The following KCNK2 variants were observed in gnomAD, a reference collection of about 807,000 sequenced individuals.
KCNK2 encodes the protein potassium two pore domain channel subfamily K member 2, also known as potassium channel subfamily K member 2.
In KCNK2, 21 loss-of-function variants were observed where a neutral mutation model predicts 40.5. That is an observed-to-expected ratio of 0.52 (90% CI 0.37 to 0.75). The LOEUF is 0.75. Among genes scored for constraint, KCNK2 ranks in the 30% least tolerant of loss-of-function variants. KCNK2 has a pLI of 0.00. For synonymous variants in KCNK2, 191 were observed against 202.2 expected, an observed-to-expected ratio of 0.94 and a Z score of 0.47; for missense variants, 399 against 531.6, an observed-to-expected ratio of 0.75 and a Z score of 2.45.
chr1:215,132,032 A>G (rs1482692148), intron 3 of KCNK2, among the ~76,000 whole-genome samples: 1 of 152,218 alleles, frequency 6.6e-6, no homozygotes, highest in Non-Finnish European at 1.5e-5. Flanking sequence ...AAAAAACACC[A>G]GGAAGAAAAT....
At chr1:215,016,026 G>A (rs1450024917) in intron 1 of KCNK2, among the ~76,000 whole-genome samples, 2 of 152,102 alleles carry the variant, frequency 1.3e-5, no homozygotes, top group Non-Finnish European at 2.9e-5. Context: ...CCACGATCAA[G>A]CGAAACAAAA....
intron 6 of KCNK2, among the ~76,000 whole-genome samples, chr1:215,230,557 G>C (rs1208075903): frequency 4.5e-5 from 3 of 66,706 alleles, no homozygotes; most frequent in East Asian, 3.4e-4. Flanking sequence ...ACACATAACA[G>C]CCATATATAT....
chr1:215,166,652 G>A (rs771954870), intron 3 of KCNK2, among the ~76,000 whole-genome samples: 12 of 152,112 alleles, frequency 7.9e-5, no homozygotes, highest in Non-Finnish European at 1.5e-5. Flanking sequence ...TGAAAGTCCA[G>A]ACTCCAGTCT....
intron 6 of KCNK2, among the ~76,000 whole-genome samples, chr1:215,227,529 C>T (rs1666432803): frequency 6.6e-6 from 1 of 152,232 alleles, no homozygotes; most frequent in South Asian, 2.1e-4. Context: ...CAGGTAAGCC[C>T]TAGATTACAT....
At position 215,195,062 on chromosome 1, in the gene KCNK2, C is replaced by G; in HGVS notation, c.933C>G (p.Leu311=). 1 of 1,608,718 alleles carries G rather than the reference C, an allele frequency of 6.2e-7. No homozygotes were observed. The highest frequency in any genetic ancestry group is 1.3e-5 in the African/African-American group (1 of 74,770). Residue 311 remains leucine (L), a synonymous_variant, in exon 6 of 7, where the codon CTC becomes CTG. Transcript: ENST00000444842. ...TCCTGAGCATGATTGGAGATTGGCT[C>G]CGAGTGATATCTAAAAAGACAAAAG... is the stretch of plus-strand genomic sequence containing the variant. The part of the protein sequence containing the change: ...AAVLSMIGDW[L]RVISKKTKEE...
At chr1:215,113,664 C>T (rs1029035659) in intron 2 of KCNK2, among the ~76,000 whole-genome samples, 4 of 152,108 alleles carry the variant, frequency 2.6e-5, no homozygotes, top group Non-Finnish European at 5.9e-5. Context: ...GGCACGATCC[C>T]GGCTCACTGC....
At chr1:215,043,465 T>C (rs927784056) in intron 1 of KCNK2, among the ~76,000 whole-genome samples, 3 of 152,190 alleles carry the variant, frequency 2.0e-5, no homozygotes, top group African/African-American at 7.2e-5. Context: ...TACTCAGCCT[T>C]CAAAAGGAAG....
chr1:215,124,805 C>T, intron 3 of KCNK2, 55 bp downstream of exon 3: 1 of 1,066,050 alleles, frequency 9.4e-7, no homozygotes, highest in Non-Finnish European at 1.5e-6. Flanking sequence ...GAGCTAAAAT[C>T]CATTTGTTTG....
intron 3 of KCNK2, among the ~76,000 whole-genome samples, chr1:215,150,294 C>T (rs769237236): frequency 7.2e-5 from 11 of 152,100 alleles, no homozygotes; most frequent in Non-Finnish European, 1.5e-4. Flanking sequence ...GGAAATATTT[C>T]GGTTTGGTTA....
intron 5 of KCNK2, among the ~76,000 whole-genome samples, chr1:215,177,741 T>TATATATATATATATA (rs1553270860): frequency 2.4e-4 from 5 of 20,612 alleles, no homozygotes; most frequent in African/African-American, 8.6e-4. Context: ...TATATATATA[T>TATATATATATATATA]TTTTTTTTTT....
chr1:215,008,251 A>G (rs1656255751), intron 1 of KCNK2, among the ~76,000 whole-genome samples: 1 of 152,054 alleles, frequency 6.6e-6, no homozygotes, highest in Admixed American at 6.6e-5. Context: ...CACAAGCAGG[A>G]TCAGGATGTA....
intron 6 of KCNK2, among the ~76,000 whole-genome samples, chr1:215,230,567 T>C (rs1256443534): frequency 1.0e-5 from 1 of 96,426 alleles, no homozygotes; most frequent in African/African-American, 4.1e-5. Context: ...GCCATATATA[T>C]ATATATATAC....
chr1:215,076,174 T>G (rs1232454547), intron 1 of KCNK2, among the ~76,000 whole-genome samples: 1 of 152,248 alleles, frequency 6.6e-6, no homozygotes. Flanking sequence ...TGAATAAATT[T>G]TGGCCTTTGA....
At chr1:215,055,245 C>T (rs754747927) in intron 1 of KCNK2, among the ~76,000 whole-genome samples, 2 of 152,150 alleles carry the variant, frequency 1.3e-5, no homozygotes, top group Non-Finnish European at 2.9e-5. Flanking sequence ...CACCTTTACA[C>T]GAGTGTCTTT....
At chr1:215,036,043 C>T (rs1438130986) in intron 1 of KCNK2, among the ~76,000 whole-genome samples, 1 of 151,178 alleles carries the variant, frequency 6.6e-6, no homozygotes, top group East Asian at 1.9e-4. Flanking sequence ...TTGATGAATT[C>T]CAATTTATAA....
intron 3 of KCNK2, among the ~76,000 whole-genome samples, chr1:215,151,232 GTTATTATTGAACAAA>G (rs1662673644): frequency 6.6e-6 from 1 of 151,936 alleles, no homozygotes; most frequent in African/African-American, 2.4e-5. Context: ...CTGTTTTGTT[GTTATTATTGAACAAA>G]ACACAATATA....
At chr1:215,082,580 G>C (rs1264781008), upstream of KCNK2, among the ~76,000 whole-genome samples, 1 of 152,092 alleles carries the variant, frequency 6.6e-6, no homozygotes, top group Non-Finnish European at 1.5e-5. Flanking sequence ...CCAAGGGGTT[G>C]TGCCCCCAGG....
At chr1:215,025,323 T>C (rs2841601) in intron 1 of KCNK2, among the ~76,000 whole-genome samples, 66,739 of 151,864 alleles carry the variant, frequency 0.44, 16,348 homozygotes, top group Non-Finnish European at 0.55. Context: ...TATGCATACA[T>C]ATGGACTTTT....
At chr1:215,214,269 G>C (rs1300006261) in intron 6 of KCNK2, among the ~76,000 whole-genome samples, 3 of 152,112 alleles carry the variant, frequency 2.0e-5, no homozygotes, top group Non-Finnish European at 2.9e-5. Context: ...GCTGCAACAG[G>C]AGGAAGAGAG....
Sources: gnomAD v4.1 joint callset for allele counts (sites outside exome capture counted in the v4.1 genomes callset) on GRCh38, gnomAD v4.1.1 for gene constraint, MANE v1.5 for transcripts, NCBI Gene and HGNC (gene_info 2026-07-23, HGNC 2026-07-21) for gene names.